B9D2: variants seen among roughly 807,000 people sequenced by gnomAD.
B9D2 encodes the protein B9 domain-containing protein 2.
Under a neutral mutation model 19.2 loss-of-function variants are expected in B9D2, and 21 were observed. The ratio of observed to expected loss-of-function variants is 1.09; its 90% CI spans 0.78 to 1.58. B9D2 has a LOEUF of 1.58. Among genes scored for constraint, B9D2 ranks in the 40% most tolerant of loss-of-function variants. The pLI is 0.00. For synonymous variants in B9D2, 91 were observed against 100.6 expected, an observed-to-expected ratio of 0.90 and a Z score of 0.57; for missense variants, 221 against 244.3, an observed-to-expected ratio of 0.90 and a Z score of 0.64.
chr19:41,363,783 C>T (rs2038456196), intron 1 of B9D2, among the ~76,000 whole-genome samples, 175 bp downstream of exon 1: 1 of 152,222 alleles, frequency 6.6e-6, no homozygotes, highest in Admixed American at 6.5e-5. Flanking sequence ...TTCAGGTCGG[C>T]GGAAAGCCCC....
In B9D2 at chr19:41,354,602, G is replaced by T; in HGVS notation, c.*98C>A. 1 of 1,480,554 alleles carries T rather than the reference G, an allele frequency of 6.8e-7. No individual in the cohort carries two copies. Among genetic ancestry groups the T allele is most frequent in the Non-Finnish European group, 9.3e-7 (1 of 1,070,248 alleles). The allele number at this position is 1,480,554 out of a possible 1,614,324, so 91.7% of individuals were successfully genotyped here. On this transcript the variant is annotated 3_prime_UTR_variant, in exon 4 of 4. Transcript: ENST00000243578. ...CCATGCCTTAGCTGGGGTCAGCTCT[G>T]ACAGTCTCTAGAGTCTGTGCTCTTG...
chr19:41,357,951 T>C lies in B9D2; in HGVS notation c.160A>G (p.Met54Val), dbSNP rs780023869. 5.0e-6 allele frequency: 8 copies of C among 1,614,088 alleles called. No homozygotes were observed. In the Admixed American group the frequency reaches 1.0e-4, roughly 20 times the overall value. The change falls in exon 3 of 4, where the codon ATG becomes GTG. Residue 54 changes from methionine (M) to valine (V), a missense_variant. Physicochemically the swap from Met to Val is conservative, Grantham distance 21. Transcript: ENST00000243578. ...TCGATGGGGTGGGACCAGTAAGCCATGTCCCCTATCTGCGGGGTGTCCACT... is the reference window on the plus strand; with the variant it reads ...TCGATGGGGTGGGACCAGTAAGCCACGTCCCCTATCTGCGGGGTGTCCACT... ...TQVDTPQIGD[M>V]AYWSHPIDLH...
chr19:41,361,117 A>T (rs1189680918), intron 2 of B9D2: 2 of 152,194 alleles, frequency 1.3e-5, no homozygotes, highest in Non-Finnish European at 2.9e-5. Context: ...ATGGGACTGG[A>T]TTCAGACTCA....
chr19:41,359,498 C>T (rs1344380215), intron 2 of B9D2, among the ~76,000 whole-genome samples: 1 of 151,930 alleles, frequency 6.6e-6, no homozygotes, highest in Non-Finnish European at 1.5e-5. Flanking sequence ...GTCAAGAGAT[C>T]GAGACCATCC....
chr19:41,354,485 C>T lies in B9D2; in HGVS notation c.*215G>A. On this transcript the variant is annotated 3_prime_UTR_variant, in exon 4 of 4. Transcript: ENST00000243578. ...TAAGCAGCCTCCTGTCACTCAACAC[C>T]CTGCGACCCCATACATTTACTGTCC... 1 of 656,236 alleles carries T rather than the reference C, an allele frequency of 1.5e-6. No homozygotes were observed. The highest frequency in any genetic ancestry group is 1.8e-5 in the South Asian group (1 of 55,474). The allele number at this position is 656,236 out of a possible 1,614,324, so 40.7% of individuals were successfully genotyped here.
Position 41,354,689 on chromosome 19 carries a change from G to T in B9D2, c.*11C>A. 6.2e-7 allele frequency: 1 copy of T among 1,613,952 alleles called. No individual in the cohort carries two copies. Among genetic ancestry groups the T allele is most frequent in the African/African-American group, 1.3e-5 (1 of 75,034 alleles). On this transcript the variant is annotated 3_prime_UTR_variant, in exon 4 of 4. Coordinates refer to ENST00000243578, the MANE Select transcript of B9D2 (RefSeq NM_030578.4). ...GGGTGTGGATGGTGGTGACGTTGGA[G>T]GCAGAGTCCCTCAGCACTCCACGCC... is the stretch of plus-strand genomic sequence containing the variant.
At chr19:41,358,960 C>T (rs2038360311) in intron 2 of B9D2, among the ~76,000 whole-genome samples, 1 of 151,862 alleles carries the variant, frequency 6.6e-6, no homozygotes, top group Non-Finnish European at 1.5e-5. Flanking sequence ...GCCTGGCCAA[C>T]ATGGCAAAAC....
At chr19:41,363,347 G>A in intron 2 of B9D2, 85 bp downstream of exon 2, 4 of 1,351,966 alleles carry the variant, frequency 3.0e-6, no homozygotes, top group African/African-American at 1.4e-5. Flanking sequence ...GAGGTTAAGA[G>A]TCTGCGTTAA....
intron 3 of B9D2, 148 bp from the exon 4 acceptor site, chr19:41,355,161 T>C: frequency 1.2e-6 from 1 of 807,044 alleles, no homozygotes; most frequent in Non-Finnish European, 1.9e-6. Flanking sequence ...CAGCCTCCTT[T>C]CTAGGCTCCC....
At chr19:41,356,282 G>A (rs529816858) in intron 3 of B9D2, among the ~76,000 whole-genome samples, 1 of 152,314 alleles carries the variant, frequency 6.6e-6, no homozygotes, top group South Asian at 2.1e-4. Flanking sequence ...CATAGTCCAT[G>A]TGAGAGAAGA....
intron 2 of B9D2, chr19:41,361,257 G>C (rs1357908601): frequency 2.0e-5 from 3 of 152,190 alleles, no homozygotes; most frequent in African/African-American, 7.2e-5. Context: ...TGAGTTGAGG[G>C]AAGCACCAGG....
At chr19:41,362,078 C>CA (rs940435937) in intron 2 of B9D2, among the ~76,000 whole-genome samples, 4,267 of 44,716 alleles carry the variant, frequency 0.095, 151 homozygotes, top group African/African-American at 0.13. Flanking sequence ...GACTCTGTCT[C>CA]AAAAAAAAAA....
chr19:41,356,265 TTCTTG>T (rs768029030), intron 3 of B9D2, among the ~76,000 whole-genome samples: 1 of 152,092 alleles, frequency 6.6e-6, no homozygotes, highest in Non-Finnish European at 1.5e-5. Context: ...AGAGACAAGA[TTCTTG>T]TCATAGTCCA....
At position 41,357,098 on chromosome 19, in the gene B9D2, C is replaced by T. The variant is rs140315971; in HGVS notation, c.214+799G>A. ...TTCTATCCCTCTGCCTTATTAGCTC[C>T]GCTGGCCCTTCACAGCAAAGTTCAG... is the stretch of plus-strand genomic sequence containing the variant. On this transcript the variant is annotated intron_variant, in intron 3 of 3. Coordinates refer to ENST00000243578, the MANE Select transcript of B9D2 (RefSeq NM_030578.4). Among the ~76,000 whole-genome samples the T allele has an allele frequency of 2.0e-3, 304 of 152,292 alleles. 3 individuals are homozygous for T. Among genetic ancestry groups the T allele is most frequent in the African/African-American group, 6.9e-3 (286 of 41,550 alleles).
chr19:41,362,500 A>C (rs1313424216), intron 2 of B9D2, among the ~76,000 whole-genome samples: 1 of 152,152 alleles, frequency 6.6e-6, no homozygotes, highest in Non-Finnish European at 1.5e-5. Flanking sequence ...CTTTACAAAC[A>C]AGACCCCATC....
At chr19:41,359,003 G>A (rs2038360984) in intron 2 of B9D2, among the ~76,000 whole-genome samples, 1 of 151,936 alleles carries the variant, frequency 6.6e-6, no homozygotes, top group Non-Finnish European at 1.5e-5. Context: ...AAATTAGTCT[G>A]GAGTGGTGGC....
Position 41,363,453 on chromosome 19 carries a change from A to G in B9D2, c.67T>C (p.Cys23Arg). 1 of 1,614,192 alleles carries G rather than the reference A, an allele frequency of 6.2e-7. No individual in the cohort carries two copies. The highest frequency in any genetic ancestry group is 8.5e-7 in the Non-Finnish European group (1 of 1,180,034). The change falls in exon 2 of 4, where the codon TGC becomes CGC. Residue 23 changes from cysteine (C) to arginine (R), a missense_variant. Coordinates refer to ENST00000243578, the MANE Select transcript of B9D2 (RefSeq NM_030578.4). ...ASGFSESSLF[C>R]KWGIHTGAAW... ...ATACCTGTGTGAATGCCCCACTTGC[A>G]GAAGAGGCTACTTTCCGAGAAACCG...
intron 3 of B9D2, among the ~76,000 whole-genome samples, chr19:41,355,620 A>C (rs1386090266): frequency 6.6e-6 from 1 of 152,188 alleles, no homozygotes; most frequent in East Asian, 1.9e-4. Flanking sequence ...ATCTCATCTC[A>C]TGCTGATCCC....
chr19:41,364,063 G>C lies in B9D2; in HGVS notation c.-110C>G, dbSNP rs1303778334. 1 of 168,288 alleles carries C rather than the reference G, an allele frequency of 5.9e-6. No homozygotes were observed. The highest frequency in any genetic ancestry group is 1.3e-5 in the Non-Finnish European group (1 of 75,770). 10.4% of individuals were successfully genotyped at this position (168,288 alleles called of 1,614,324 possible). A position where few individuals can be genotyped will look rare whatever the true frequency, so the allele number is the denominator to read the frequency against. On this transcript the variant is annotated 5_prime_UTR_variant, in exon 1 of 4. Coordinates refer to ENST00000243578, the MANE Select transcript of B9D2 (RefSeq NM_030578.4). ...CGGGCGCCGACCAGGCCTGGCTCGC[G>C]CCTCTCCCAGGACCCGCCTGGCTGC... is the stretch of plus-strand genomic sequence containing the variant.
Sources: gnomAD v4.1 joint callset for allele counts (sites outside exome capture counted in the v4.1 genomes callset) on GRCh38, gnomAD v4.1.1 for gene constraint, MANE v1.5 for transcripts, NCBI Gene and HGNC (gene_info 2026-07-23, HGNC 2026-07-21) for gene names.